IL7: variants seen among roughly 807,000 people sequenced by gnomAD.
IL7 encodes interleukin 7.
In IL7, 3 loss-of-function variants were observed where a neutral mutation model predicts 21.6. That is an observed-to-expected ratio of 0.14 (90% CI 0.06 to 0.36). IL7 has a LOEUF of 0.36. Ranked by LOEUF, IL7 falls within the 10% of genes least tolerant of loss-of-function variation. IL7 has a pLI of 1.00. For synonymous variants in IL7, 62 were observed against 68.1 expected (o/e 0.91, Z 0.44); for missense variants, 175 against 200.2 (o/e 0.87, Z 0.76).
intron 2 of IL7, among the ~76,000 whole-genome samples, chr8:78,758,014 T>C (rs1812409954): frequency 6.6e-6 from 1 of 152,092 alleles, no homozygotes; most frequent in South Asian, 2.1e-4. Flanking sequence ...TGTTCTTCCC[T>C]TGTTTTACAC....
At chr8:78,770,008 T>A (rs1002473805) in intron 2 of IL7, among the ~76,000 whole-genome samples, 2 of 152,126 alleles carry the variant, frequency 1.3e-5, no homozygotes, top group African/African-American at 4.8e-5. Flanking sequence ...CTGGATCCCT[T>A]CCTTACACCT....
intron 2 of IL7, among the ~76,000 whole-genome samples, chr8:78,747,756 C>T (rs551981735): frequency 6.6e-5 from 10 of 152,298 alleles, no homozygotes; most frequent in Middle Eastern, 3.4e-3. Context: ...CAAAATCATA[C>T]GTGGCTCCTT....
At chr8:78,795,315 T>C (rs909262552) in intron 2 of IL7, among the ~76,000 whole-genome samples, 6 of 152,118 alleles carry the variant, frequency 3.9e-5, no homozygotes, top group African/African-American at 1.4e-4. Flanking sequence ...AATAATTCAT[T>C]GAGACTTTCT....
chr8:78,765,815 A>T (rs1473351045), intron 2 of IL7, among the ~76,000 whole-genome samples: 16 of 152,122 alleles, frequency 1.1e-4, no homozygotes, highest in Admixed American at 9.8e-4. Flanking sequence ...ATAATGCAGC[A>T]ATCCTTGCTA....
At chr8:78,761,549 A>C in intron 2 of IL7, 2 of 1,611,910 alleles carry the variant, frequency 1.2e-6, no homozygotes, top group Non-Finnish European at 1.7e-6. Flanking sequence ...GAAGCCTATA[A>C]ATTCCTCTCT....
intron 2 of IL7, among the ~76,000 whole-genome samples, chr8:78,742,272 T>C (rs973026714): frequency 2.6e-5 from 4 of 152,014 alleles, no homozygotes; most frequent in African/African-American, 9.6e-5. Flanking sequence ...TGCAGTGAGC[T>C]GAGATCACGC....
intron 3 of IL7, chr8:78,698,504 C>T (rs1345959075): frequency 6.2e-7 from 1 of 1,607,106 alleles, no homozygotes; most frequent in Admixed American, 1.7e-5. Context: ...ATAGCAGCCC[C>T]TCATGCAGGG....
Position 78,761,103 on chromosome 8 carries a change from G to A in IL7, c.148-21021C>T. On this transcript the variant is annotated intron_variant, in intron 2 of 5. Transcript: ENST00000263851. The stretch of plus-strand genomic sequence containing the variant: ...CCATCTAAACATAAAACAAGTGCTT[G>A]CAGGAGTTCCACTAAAATTTCAAAA... 4 of 1,594,334 alleles carry A rather than the reference G, an allele frequency of 2.5e-6. No individual in the cohort carries two copies. In the South Asian group the frequency reaches 4.6e-5, roughly 18 times the overall value.
downstream of IL7, chr8:78,717,584 C>T (rs1432257989): frequency 2.9e-6 from 4 of 1,356,164 alleles, no homozygotes; most frequent in Non-Finnish European, 4.0e-6. Flanking sequence ...TTAGTTTGTG[C>T]TAAAAATACT....
At chr8:78,684,477 C>G (rs1158586660) in intron 4 of IL7, among the ~76,000 whole-genome samples, 1 of 152,132 alleles carries the variant, frequency 6.6e-6, no homozygotes, top group Non-Finnish European at 1.5e-5. Flanking sequence ...TACCGAGTAC[C>G]CCCATAACAG....
At chr8:78,701,776 T>G (rs1411620911) in intron 3 of IL7, among the ~76,000 whole-genome samples, 1 of 152,224 alleles carries the variant, frequency 6.6e-6, no homozygotes, top group Non-Finnish European at 1.5e-5. Flanking sequence ...TTAATTTTGT[T>G]GTGATGAATA....
rs934245384 is a variant in IL7 at position 78,687,924 on chromosome 8, T to A, written n.215-1977A>T. Among the ~76,000 whole-genome samples the A allele has an allele frequency of 1.5e-4, 21 of 141,106 alleles. 1 individual carries two copies. Among genetic ancestry groups the A allele is most frequent in the African/African-American group, 1.3e-4 (5 of 37,862 alleles). 92.6% of individuals were successfully genotyped at this position (141,106 alleles called of 152,430 possible). ...ATATATTTATATAAATATATAATTA[T>A]TTATATCTATATTTTTATATATAAA... On this transcript the variant is annotated intron_variant and non_coding_transcript_variant, in intron 3 of 4. Coordinates refer to the IL7 transcript ENST00000523959.
chr8:78,687,610 C>A (rs1403262683), intron 3 of IL7, among the ~76,000 whole-genome samples: 7 of 129,348 alleles, frequency 5.4e-5, no homozygotes, highest in African/African-American at 1.1e-4. Context: ...TTACATAATA[C>A]ATTATATATA....
intron 3 of IL7, among the ~76,000 whole-genome samples, chr8:78,693,272 G>A (rs1810277568): frequency 1.3e-5 from 2 of 151,884 alleles, no homozygotes; most frequent in Admixed American, 1.3e-4. Flanking sequence ...GGGTCAAATG[G>A]TATTTCTAGT....
chr8:78,715,766 G>A (rs763976466), downstream of IL7, among the ~76,000 whole-genome samples: 10 of 152,176 alleles, frequency 6.6e-5, no homozygotes, highest in East Asian at 3.9e-4. Flanking sequence ...ATGAGGAGTT[G>A]TGGTGGCTCA....
At chr8:78,685,240 G>C (rs1186061753) in intron 4 of IL7, among the ~76,000 whole-genome samples, 1 of 114,030 alleles carries the variant, frequency 8.8e-6, no homozygotes, top group Non-Finnish European at 1.9e-5. Context: ...TAAAGGATAG[G>C]ACAACTGCAT....
intron 2 of IL7, among the ~76,000 whole-genome samples, chr8:78,773,501 C>T (rs758561495): frequency 2.6e-5 from 4 of 152,026 alleles, no homozygotes; most frequent in African/African-American, 4.8e-5. Flanking sequence ...AGCAAAGGCA[C>T]TGAGGTACAA....
At chr8:78,730,506 A>G (rs995239869), downstream of IL7, among the ~76,000 whole-genome samples, 2 of 151,992 alleles carry the variant, frequency 1.3e-5, no homozygotes. Context: ...ATCATCCTGA[A>G]TGCACCCAGA....
At chr8:78,752,656 A>G (rs886572701) in intron 2 of IL7, among the ~76,000 whole-genome samples, 1 of 152,194 alleles carries the variant, frequency 6.6e-6, no homozygotes, top group South Asian at 2.1e-4. Context: ...CAGGCTTGTA[A>G]CATAGGTATA....
Sources: gnomAD v4.1 joint callset for allele counts (sites outside exome capture counted in the v4.1 genomes callset) on GRCh38, gnomAD v4.1.1 for gene constraint, MANE v1.5 for transcripts, NCBI Gene and HGNC (gene_info 2026-07-23, HGNC 2026-07-21) for gene names.